Variants in METAP1 observed in about 807,000 individuals in gnomAD.
METAP1 encodes methionine aminopeptidase 1.
Under a neutral mutation model 53.8 loss-of-function variants are expected in METAP1, and 28 were observed. The ratio of observed to expected loss-of-function variants is 0.52; its 90% CI spans 0.39 to 0.71. The LOEUF is 0.71. Among genes scored for constraint, METAP1 ranks in the 30% least tolerant of loss-of-function variants. METAP1 has a pLI of 0.00. For synonymous variants in METAP1, 181 were observed against 165.7 expected (o/e 1.09, Z -0.71); for missense variants, 389 against 479.8 (o/e 0.81, Z 1.77).
intron 1 of METAP1, chr4:99,022,320 C>T: frequency 1.2e-6 from 1 of 809,402 alleles, no homozygotes; most frequent in Non-Finnish European, 1.8e-6. Flanking sequence ...CTCAGGAGTC[C>T]CTGACCAGGG....
intron 1 of METAP1, among the ~76,000 whole-genome samples, chr4:99,004,610 G>T (rs913446431): frequency 6.6e-6 from 1 of 151,836 alleles, no homozygotes; most frequent in African/African-American, 2.4e-5. Flanking sequence ...ACATTACCAG[G>T]AAAACAAGTG....
At chr4:99,039,541 T>C in intron 5 of METAP1, 76 bp downstream of exon 5, 1 of 867,454 alleles carries the variant, frequency 1.2e-6, no homozygotes, top group East Asian at 2.5e-5. Context: ...GTTTGCTGAT[T>C]TATAAAGATA....
intron 1 of METAP1, among the ~76,000 whole-genome samples, chr4:99,004,466 CACACACACACACACACAT>C (rs1232779849): frequency 0.055 from 1,808 of 33,062 alleles, 38 homozygotes; most frequent in African/African-American, 0.14. Context: ...CACACACACA[CACACACACACACACACAT>C]ACACACACAC....
intron 1 of METAP1, among the ~76,000 whole-genome samples, chr4:99,020,069 C>T (rs189540460): frequency 1.3e-5 from 2 of 152,112 alleles, no homozygotes; most frequent in Admixed American, 6.5e-5. Flanking sequence ...ATGTAACATC[C>T]GCTGCCGGAA....
chr4:99,022,717 A>C, intron 1 of METAP1: 2 of 1,533,980 alleles, frequency 1.3e-6, no homozygotes, highest in Non-Finnish European at 1.8e-6. Context: ...ATAGGTCATA[A>C]TGGGAGGGGC....
intron 9 of METAP1, among the ~76,000 whole-genome samples, chr4:99,053,908 T>C (rs1717416060): frequency 6.6e-6 from 1 of 150,576 alleles, no homozygotes; most frequent in Non-Finnish European, 1.5e-5. Context: ...GTTAATTATA[T>C]ATTAATATTA....
chr4:99,036,327 G>A (rs1725421796), intron 4 of METAP1, among the ~76,000 whole-genome samples: 1 of 151,984 alleles, frequency 6.6e-6, no homozygotes, highest in South Asian at 2.1e-4. Context: ...AAAATTTAAG[G>A]GAAAGATAGT....
At chr4:99,061,034 A>G in intron 10 of METAP1, 120 bp from the exon 11 acceptor site, 2 of 1,017,816 alleles carry the variant, frequency 2.0e-6, no homozygotes, top group Non-Finnish European at 2.8e-6. Flanking sequence ...GAAAGGCATT[A>G]GCTAAAACAA....
chr4:99,030,183 G>A (rs1018924835), intron 2 of METAP1, among the ~76,000 whole-genome samples: 1 of 152,136 alleles, frequency 6.6e-6, no homozygotes, highest in South Asian at 2.1e-4. Context: ...AAGGGTTGAG[G>A]TTAAACAATA....
At chr4:99,045,346 G>T (rs965636316) in intron 8 of METAP1, 36 bp downstream of exon 8, 1 of 1,607,868 alleles carries the variant, frequency 6.2e-7, no homozygotes, top group African/African-American at 1.3e-5. Flanking sequence ...TGGCAGTCCT[G>T]TGTGTTGATG....
intron 8 of METAP1, 48 bp downstream of exon 8, chr4:99,045,358 G>GC: frequency 6.2e-7 from 1 of 1,600,812 alleles, no homozygotes; most frequent in East Asian, 2.2e-5. Context: ...GTGTTGATGG[G>GC]CCAAGAATGA....
chr4:99,026,675 G>A (rs757413592), intron 1 of METAP1: 8 of 985,306 alleles, frequency 8.1e-6, no homozygotes, highest in Non-Finnish European at 9.6e-6. Flanking sequence ...AGGATTTTGA[G>A]TATTCCTCTT....
intron 1 of METAP1, among the ~76,000 whole-genome samples, chr4:99,024,248 G>A (rs112075771): frequency 2.6e-5 from 4 of 152,036 alleles, no homozygotes; most frequent in Non-Finnish European, 5.9e-5. Flanking sequence ...ACCCTCTCAC[G>A]CGGACCCCCT....
At chr4:99,034,767 A>G (rs1482753003) in intron 3 of METAP1, among the ~76,000 whole-genome samples, 1 of 152,108 alleles carries the variant, frequency 6.6e-6, no homozygotes, top group East Asian at 1.9e-4. Context: ...GAACCAGGAG[A>G]TATGGAGGAC....
intron 1 of METAP1, 117 bp from the exon 2 acceptor site, chr4:99,028,750 T>G: frequency 1.6e-6 from 1 of 611,686 alleles, no homozygotes; most frequent in Non-Finnish European, 2.7e-6. Context: ...ATTCGCAAAG[T>G]TACAGGTCTT....
intron 2 of METAP1, among the ~76,000 whole-genome samples, chr4:99,033,019 T>TG (rs1725159414): frequency 6.6e-6 from 1 of 152,242 alleles, no homozygotes; most frequent in Non-Finnish European, 1.5e-5. Flanking sequence ...TCTTGTCAGT[T>TG]GTACCTTAAG....
At chr4:99,023,886 A>C (rs780592663) in intron 1 of METAP1, 23 of 668,138 alleles carry the variant, frequency 3.4e-5, no homozygotes, top group Non-Finnish European at 4.3e-5. Context: ...TTACTTATTC[A>C]TGCAGAGCCA....
At chr4:99,024,058 C>T (rs1419888944) in intron 1 of METAP1, among the ~76,000 whole-genome samples, 3 of 152,202 alleles carry the variant, frequency 2.0e-5, no homozygotes, top group Non-Finnish European at 2.9e-5. Context: ...CACAGCCCGG[C>T]GCCACGCCCT....
In METAP1 at chr4:99,038,662, A is replaced by G. The variant is rs570416297; in HGVS notation, c.341-712A>G. Among the ~76,000 whole-genome samples the G allele has an allele frequency of 1.4e-4, 21 of 152,194 alleles. No homozygotes were observed. The South Asian group carries it at 4.4e-3, about 32-fold the overall frequency. On this transcript the variant is annotated intron_variant, in intron 4 of 10. Coordinates refer to ENST00000296411, the MANE Select transcript of METAP1 (RefSeq NM_015143.3). ...TTGAGTTAATTGCTATCCTGGCTTTATTACTTTTCATGTATGTAAAACTTG... is the reference window on the plus strand; with the variant it reads ...TTGAGTTAATTGCTATCCTGGCTTTGTTACTTTTCATGTATGTAAAACTTG...
Sources: allele counts gnomAD v4.1 joint callset (sites outside exome capture counted in the v4.1 genomes callset), GRCh38; gene constraint gnomAD v4.1.1; transcripts MANE v1.5; gene names NCBI Gene and HGNC (gene_info 2026-07-23, HGNC 2026-07-21).